DNAH3: variants seen among roughly 807,000 people sequenced by gnomAD.
DNAH3 encodes the protein dynein axonemal heavy chain 3.
A neutral mutation model predicts 432.5 loss-of-function variants in DNAH3; 332 were observed. The observed-to-expected ratio is 0.77, with a 90% CI of 0.70 to 0.84. The LOEUF is 0.84. DNAH3 is among the 40% of genes least tolerant of loss of function. The pLI is 0.00. For synonymous variants in DNAH3, 1,956 were observed against 1,900.2 expected (o/e 1.03, Z -0.76); for missense variants, 4,861 against 5,114.0 (o/e 0.95, Z 1.51).
chr16:21,145,308 A>G, exon 3 of DNAH3: 1 of 1,614,084 alleles, frequency 6.2e-7, no homozygotes, highest in South Asian at 1.1e-5. Context: ...CGATGGAATC[A>G]CTGGGTCCAC....
At chr16:20,986,196 C>T (rs2086187967) in intron 47 of DNAH3, among the ~76,000 whole-genome samples, 1 of 150,898 alleles carries the variant, frequency 6.6e-6, no homozygotes, top group African/African-American at 2.4e-5. Flanking sequence ...GGATTTCATG[C>T]TTGTAAAGAC....
At chr16:20,980,877 C>T (rs2152660121) in intron 49 of DNAH3, among the ~76,000 whole-genome samples, 1 of 152,210 alleles carries the variant, frequency 6.6e-6, no homozygotes, top group Non-Finnish European at 1.5e-5. Flanking sequence ...AATATTTTAG[C>T]CTTTGTGGAC....
intron 44 of DNAH3, among the ~76,000 whole-genome samples, chr16:20,988,499 C>G (rs2086332104): frequency 6.6e-6 from 1 of 152,180 alleles, no homozygotes; most frequent in East Asian, 1.9e-4. Flanking sequence ...ACTGCAACCT[C>G]CGCCTCCCGG....
chr16:20,964,620 G>T, exon 53 of DNAH3: 1 of 1,614,094 alleles, frequency 6.2e-7, no homozygotes, highest in Non-Finnish European at 8.5e-7. Context: ...TCCATTTATT[G>T]GCCTGCCCGT....
chr16:21,063,490 TTTTA>T (rs2090437057), intron 24 of DNAH3, among the ~76,000 whole-genome samples: 1 of 149,478 alleles, frequency 6.7e-6, no homozygotes, highest in South Asian at 2.1e-4. Context: ...TTTTATTTTA[TTTTA>T]TTTTATTATT....
intron 23 of DNAH3, among the ~76,000 whole-genome samples, chr16:21,068,596 T>C (rs1333200326): frequency 6.6e-6 from 1 of 152,212 alleles, no homozygotes. Flanking sequence ...ATTACAGGCG[T>C]GAGCCACCGC....
chr16:20,935,621 A>G (rs891129203), intron 60 of DNAH3, 136 bp from the exon 61 acceptor site: 29 of 930,804 alleles, frequency 3.1e-5, no homozygotes, highest in African/African-American at 5.2e-5. Context: ...TTTAGCTTCT[A>G]TCTTCCCACT....
chr16:21,034,218 G>A (rs977916932), intron 35 of DNAH3, 133 bp from the exon 36 acceptor site: 8 of 598,814 alleles, frequency 1.3e-5, no homozygotes, highest in East Asian at 5.8e-5. Context: ...GGAGAACTTC[G>A]GTTCTTTTCA....
At chr16:21,008,631 A>C (rs1253274526) in intron 41 of DNAH3, among the ~76,000 whole-genome samples, 1 of 152,034 alleles carries the variant, frequency 6.6e-6, no homozygotes, top group East Asian at 1.9e-4. Context: ...TCCATGATGG[A>C]GAGTTTCTCT....
At position 21,037,694 on chromosome 16, in the gene DNAH3, A is replaced by C. The variant is rs559527656; in HGVS notation, c.4950+67T>G. On this transcript the variant is annotated intron_variant, in intron 34 of 61. Transcript: ENST00000261383. ...TGGAAGAGGGTATGGGGAAGGCACC[A>C]AACACAACATTTCATCTTCCAACAT... 1.7e-4 allele frequency: 246 copies of C among 1,440,004 alleles called. No individual in the cohort carries two copies. The African/African-American group carries it at 3.1e-3, about 18-fold the overall frequency. The allele number at this position is 1,440,004 out of a possible 1,614,324, so 89.2% of individuals were successfully genotyped here. A position where few individuals can be genotyped will look rare whatever the true frequency, so the allele number is the denominator to read the frequency against.
At chr16:21,005,411 A>G (rs1236665711) in intron 41 of DNAH3, among the ~76,000 whole-genome samples, 1 of 146,876 alleles carries the variant, frequency 6.8e-6, no homozygotes, top group East Asian at 2.0e-4. Flanking sequence ...ACAGGTTCTC[A>G]CTCATTGCCT....
At chr16:21,039,214 C>CTTTTTTTTTTTTTT (rs200708542) in intron 33 of DNAH3, among the ~76,000 whole-genome samples, 1 of 125,986 alleles carries the variant, frequency 7.9e-6, no homozygotes, top group Non-Finnish European at 1.6e-5. Context: ...TATAGTGTTG[C>CTTTTTTTTTTTTTT]TTTTTTTTTT....
intron 38 of DNAH3, among the ~76,000 whole-genome samples, chr16:21,025,977 G>C (rs2088532944): frequency 6.6e-6 from 1 of 152,076 alleles, no homozygotes; most frequent in Non-Finnish European, 1.5e-5. Flanking sequence ...GACCTCAGGT[G>C]ATCTGCCCGC....
chr16:21,102,627 AC>A (rs2091862850), intron 16 of DNAH3, among the ~76,000 whole-genome samples: 1 of 152,114 alleles, frequency 6.6e-6, no homozygotes, highest in African/African-American at 2.4e-5. Context: ...TATTTATCTA[AC>A]AAAAAAAGTG....
At chr16:21,026,119 A>G (rs1038682527) in intron 38 of DNAH3, among the ~76,000 whole-genome samples, 18 of 151,872 alleles carry the variant, frequency 1.2e-4, no homozygotes, top group Admixed American at 9.2e-4. Context: ...TTTTGTACAG[A>G]TCTCCTGTTG....
At chr16:20,942,348 G>A (rs904915656) in intron 58 of DNAH3, among the ~76,000 whole-genome samples, 1 of 152,226 alleles carries the variant, frequency 6.6e-6, no homozygotes, top group African/African-American at 2.4e-5. Flanking sequence ...GCCAAGTAGG[G>A]AGGGGACAGG....
At chr16:21,061,968 G>A (rs1178801495) in intron 25 of DNAH3, among the ~76,000 whole-genome samples, 1 of 152,208 alleles carries the variant, frequency 6.6e-6, no homozygotes, top group Non-Finnish European at 1.5e-5. Flanking sequence ...GCAAGGCTCA[G>A]CTTGCTTGTC....
chr16:20,997,835 TAA>T (rs765854199), intron 43 of DNAH3, among the ~76,000 whole-genome samples: 16 of 74,538 alleles, frequency 2.1e-4, no homozygotes, highest in African/African-American at 2.6e-4. Context: ...CCTGTCTCCA[TAA>T]AAAAAAAAAA....
chr16:20,995,281 T>G (rs1448589459), intron 44 of DNAH3, among the ~76,000 whole-genome samples: 1 of 152,100 alleles, frequency 6.6e-6, no homozygotes, highest in Non-Finnish European at 1.5e-5. Context: ...TCACGCAGGC[T>G]GGAGTGCAAT....
Sources: gnomAD v4.1 joint callset for allele counts (sites outside exome capture counted in the v4.1 genomes callset) on GRCh38, gnomAD v4.1.1 for gene constraint, MANE v1.5 for transcripts, NCBI Gene and HGNC (gene_info 2026-07-23, HGNC 2026-07-21) for gene names.